The following CSTPP1 variants were observed in gnomAD, a reference collection of about 807,000 sequenced individuals.
CSTPP1 encodes centriolar satellite-associated tubulin polyglutamylase complex regulator 1, also known as UPF0705 protein C11orf49.
At chr11:47,069,693 T>TTGC in the CSTPP1 span, among the ~76,000 whole-genome samples, 1 of 152,074 alleles carries the variant, frequency 6.6e-6, no homozygotes, top group Non-Finnish European at 1.5e-5. Flanking sequence ...GTTGTTGTTG[T>TTGC]TGCTGTTTAT....
At chr11:47,143,778 G>T in the CSTPP1 span, among the ~76,000 whole-genome samples, 3 of 152,178 alleles carry the variant, frequency 2.0e-5, no homozygotes, top group African/African-American at 7.2e-5. Flanking sequence ...TCAAATCCTG[G>T]TTCCACAATA....
chr11:46,960,644 A>C, the CSTPP1 span, among the ~76,000 whole-genome samples: 2 of 152,136 alleles, frequency 1.3e-5, no homozygotes, highest in Non-Finnish European at 2.9e-5. Context: ...TGAGGTCAGG[A>C]GTTCGAGACC....
chr11:47,122,092 ATAT>A, the CSTPP1 span, among the ~76,000 whole-genome samples: 266 of 35,044 alleles, frequency 7.6e-3, 1 homozygote, highest in African/African-American at 0.023. Context: ...AAAAAAAAAA[ATAT>A]ATATATATAT....
chr11:47,081,635 C>A, the CSTPP1 span, among the ~76,000 whole-genome samples: 3 of 152,030 alleles, frequency 2.0e-5, no homozygotes, highest in African/African-American at 7.2e-5. Context: ...AATCAATGGA[C>A]CAGAATCAGA....
chr11:47,024,580 G>C, the CSTPP1 span, among the ~76,000 whole-genome samples: 1 of 152,142 alleles, frequency 6.6e-6, no homozygotes, highest in South Asian at 2.1e-4. Flanking sequence ...TAGAGAATTA[G>C]AGAGAGAGTG....
At chr11:46,940,007 A>G in the CSTPP1 span, among the ~76,000 whole-genome samples, 2 of 152,084 alleles carry the variant, frequency 1.3e-5, no homozygotes, top group African/African-American at 4.8e-5. Flanking sequence ...AGTAGCTGGA[A>G]CTGCAGGCAC....
chr11:47,106,043 C>T, the CSTPP1 span, among the ~76,000 whole-genome samples: 1 of 152,090 alleles, frequency 6.6e-6, no homozygotes, highest in African/African-American at 2.4e-5. Context: ...ATGCATGACC[C>T]AGTCTGTGTT....
At chr11:47,101,184 T>TTTTTTTG in the CSTPP1 span, among the ~76,000 whole-genome samples, 1 of 108,748 alleles carries the variant, frequency 9.2e-6, no homozygotes, top group Admixed American at 1.2e-4. Flanking sequence ...TTTTTTTTTT[T>TTTTTTTG]TTTTTATTTT....
the CSTPP1 span, among the ~76,000 whole-genome samples, chr11:47,092,357 G>A: frequency 6.6e-6 from 1 of 152,066 alleles, no homozygotes; most frequent in African/African-American, 2.4e-5. Context: ...ACCATAACGA[G>A]AGTCACACCA....
the CSTPP1 span, among the ~76,000 whole-genome samples, chr11:47,139,277 A>C: frequency 1.3e-5 from 2 of 152,154 alleles, no homozygotes; most frequent in Non-Finnish European, 2.9e-5. Flanking sequence ...ACACAAATAC[A>C]TACCCACACT....
At chr11:47,142,420 C>T in the CSTPP1 span, among the ~76,000 whole-genome samples, 5 of 152,004 alleles carry the variant, frequency 3.3e-5, no homozygotes, top group African/African-American at 4.8e-5. Context: ...TACTTCATTT[C>T]GCCAAATGTT....
the CSTPP1 span, among the ~76,000 whole-genome samples, chr11:47,019,396 G>A: frequency 6.6e-6 from 1 of 152,140 alleles, no homozygotes; most frequent in South Asian, 2.1e-4. Flanking sequence ...CCTAGCTTTC[G>A]GCCTATCTTG....
At chr11:47,100,654 G>A in the CSTPP1 span, among the ~76,000 whole-genome samples, 3 of 152,152 alleles carry the variant, frequency 2.0e-5, no homozygotes, top group Admixed American at 2.0e-4. Flanking sequence ...AGCCTGGCAT[G>A]GTGGCATATG....
At chr11:47,081,180 A>G in the CSTPP1 span, among the ~76,000 whole-genome samples, 17 of 152,262 alleles carry the variant, frequency 1.1e-4, no homozygotes, top group African/African-American at 3.9e-4. Flanking sequence ...TTTAATCTAT[A>G]AGTTAACATG....
At chr11:46,961,750 G>T in the CSTPP1 span, among the ~76,000 whole-genome samples, 1 of 151,984 alleles carries the variant, frequency 6.6e-6, no homozygotes, top group South Asian at 2.1e-4. Context: ...GCTTGAGGTA[G>T]GAGTCAAAAA....
chr11:46,978,302 G>A, the CSTPP1 span, among the ~76,000 whole-genome samples: 1 of 152,184 alleles, frequency 6.6e-6, no homozygotes, highest in Non-Finnish European at 1.5e-5. Context: ...TGGGAAAAGG[G>A]AAGATCACTT....
chr11:47,154,366 C>T, the CSTPP1 span: 2 of 152,370 alleles, frequency 1.3e-5, no homozygotes, highest in Non-Finnish European at 2.9e-5. Context: ...CCAGCAAACG[C>T]TCGTTTCCTT....
the CSTPP1 span, chr11:47,158,025 T>C: frequency 1.9e-6 from 2 of 1,055,964 alleles, no homozygotes; most frequent in Non-Finnish European, 2.9e-6. Context: ...GGCATCACCA[T>C]CTCTGCCTTG....
the CSTPP1 span, among the ~76,000 whole-genome samples, chr11:47,005,051 A>G: frequency 1.3e-5 from 2 of 152,188 alleles, no homozygotes; most frequent in African/African-American, 4.8e-5. Flanking sequence ...TTTACCTTCT[A>G]TGCAATCTAT....
Sources: gnomAD v4.1 joint callset for allele counts (sites outside exome capture counted in the v4.1 genomes callset) on GRCh38, gnomAD v4.1.1 for gene constraint, MANE v1.5 for transcripts, NCBI Gene and HGNC (gene_info 2026-07-23, HGNC 2026-07-21) for gene names.